EFL1: variants seen among roughly 807,000 people sequenced by gnomAD.
EFL1 encodes elongation factor like GTPase 1.
In EFL1, 76 loss-of-function variants were observed where a neutral mutation model predicts 126.7. The ratio of observed to expected loss-of-function variants is 0.60; its 90% confidence interval spans 0.50 to 0.73. EFL1 has a LOEUF of 0.73. EFL1 is among the 30% of genes least tolerant of loss of function. The probability of loss-of-function intolerance (pLI) is 0.00; values close to 1 mark genes in which losing one functional copy is unlikely to be tolerated. For missense variants in EFL1, 1,128 were observed against 1,343.2 expected (o/e 0.84, Z 2.50); for synonymous variants, 410 against 448.4 (o/e 0.91, Z 1.08).
intron 15 of EFL1, among the ~76,000 whole-genome samples, chr15:82,208,591 T>G (rs570503446): frequency 7.2e-5 from 11 of 152,186 alleles, no homozygotes; most frequent in Non-Finnish European, 1.5e-4. Context: ...AATGCTAGTA[T>G]GTTGAACCTA....
intron 4 of EFL1, among the ~76,000 whole-genome samples, chr15:82,243,858 A>G (rs1268812837): frequency 6.6e-6 from 1 of 152,100 alleles, no homozygotes; most frequent in Non-Finnish European, 1.5e-5. Context: ...AGATACACCA[A>G]GTGTTTCCAC....
chr15:82,206,377 T>A (rs1056510192), intron 15 of EFL1, among the ~76,000 whole-genome samples: 14 of 151,954 alleles, frequency 9.2e-5, no homozygotes, highest in Non-Finnish European at 1.3e-4. Flanking sequence ...CAATAAGACA[T>A]CAAGAGAAAA....
At chr15:82,204,119 G>A (rs1044083522) in intron 15 of EFL1, among the ~76,000 whole-genome samples, 8 of 152,030 alleles carry the variant, frequency 5.3e-5, no homozygotes, top group African/African-American at 1.7e-4. Context: ...ACATTTCACC[G>A]AGATTTTAAA....
chr15:82,220,888 AG>A (rs2074704755), intron 12 of EFL1, among the ~76,000 whole-genome samples: 1 of 152,190 alleles, frequency 6.6e-6, no homozygotes, highest in African/African-American at 2.4e-5. Flanking sequence ...TGTTGACAAA[AG>A]GGGAATACTA....
At chr15:82,252,182 G>A (rs1468424964) in intron 4 of EFL1, among the ~76,000 whole-genome samples, 1 of 152,132 alleles carries the variant, frequency 6.6e-6, no homozygotes, top group African/African-American at 2.4e-5. Flanking sequence ...TCAGGTTGTT[G>A]TTATTTTTTT....
At chr15:82,220,298 T>A in intron 12 of EFL1, 69 bp from the exon 13 acceptor site, 1 of 1,505,034 alleles carries the variant, frequency 6.6e-7, no homozygotes, top group Non-Finnish European at 8.9e-7. Context: ...AGCATTGACA[T>A]GGCTGGGTAA....
intron 19 of EFL1, 64 bp downstream of exon 19, chr15:82,138,594 C>T (rs2073750006): frequency 6.4e-7 from 1 of 1,555,796 alleles, no homozygotes; most frequent in Non-Finnish European, 8.7e-7. Context: ...TACTCTTGGC[C>T]TCCTCTGTAG....
At chr15:82,135,432 C>G (rs1415659588) in intron 19 of EFL1, among the ~76,000 whole-genome samples, 1 of 152,044 alleles carries the variant, frequency 6.6e-6, no homozygotes, top group African/African-American at 2.4e-5. Flanking sequence ...CTCTACCTTT[C>G]TTTGGTAATA....
In EFL1 at chr15:82,241,486, G is replaced by A. The variant is rs1017784362; in HGVS notation, c.245-83C>T. On this transcript the variant is annotated intron_variant, in intron 4 of 19. Coordinates refer to ENST00000268206, the MANE Select transcript of EFL1 (RefSeq NM_024580.6). ...TCAGGCGTTCTAGAATAAGAAAGCT[G>A]AAAGCTTCTAAGAAAAAACTGAACA... The A allele has an allele frequency of 4.1e-6, 6 of 1,475,464 alleles. No individual in the cohort carries two copies. The African/African-American group carries it at 4.2e-5, about 10-fold the overall frequency. 91.4% of individuals were successfully genotyped at this position (1,475,464 alleles called of 1,614,324 possible).
intron 16 of EFL1, among the ~76,000 whole-genome samples, chr15:82,159,213 C>T (rs62011975): frequency 0.16 from 23,926 of 151,908 alleles, 2,435 homozygotes; most frequent in Non-Finnish European, 0.24. Context: ...TAAGCCTTCA[C>T]AGAATTTTAA....
intron 12 of EFL1, among the ~76,000 whole-genome samples, chr15:82,222,588 TATCCATCC>T (rs1049199787): frequency 1.4e-4 from 22 of 152,206 alleles, no homozygotes; most frequent in African/African-American, 5.3e-4. Flanking sequence ...TCTATGTATC[TATCCATCC>T]ATCCAGTTAA....
intron 15 of EFL1, among the ~76,000 whole-genome samples, chr15:82,209,326 C>G (rs1281536548): frequency 1.1e-4 from 8 of 69,750 alleles, no homozygotes; most frequent in Non-Finnish European, 1.9e-4. Flanking sequence ...GACACACACA[C>G]ACACACACAC....
At chr15:82,205,353 T>C (rs2074513709) in intron 15 of EFL1, among the ~76,000 whole-genome samples, 2 of 152,244 alleles carry the variant, frequency 1.3e-5, no homozygotes, top group Admixed American at 6.5e-5. Context: ...TCTACCAGTT[T>C]TCAGAATCTT....
At chr15:82,143,713 C>T (rs2073812957) in intron 18 of EFL1, among the ~76,000 whole-genome samples, 2 of 152,160 alleles carry the variant, frequency 1.3e-5, no homozygotes, top group South Asian at 2.1e-4. Flanking sequence ...GTCAAACCCA[C>T]TGTGGAAAGT....
At chr15:82,166,608 T>C (rs868628115) in intron 15 of EFL1, among the ~76,000 whole-genome samples, 4 of 152,354 alleles carry the variant, frequency 2.6e-5, no homozygotes, top group Middle Eastern at 6.8e-3. Context: ...AATTATTAAA[T>C]GCACAACTTG....
At chr15:82,229,959 A>C (rs1297870960) in intron 8 of EFL1, among the ~76,000 whole-genome samples, 1 of 152,218 alleles carries the variant, frequency 6.6e-6, no homozygotes, top group African/African-American at 2.4e-5. Flanking sequence ...TCATAGAGCC[A>C]ATAAGTGGTG....
chr15:82,245,957 G>A (rs2141332225), intron 4 of EFL1, among the ~76,000 whole-genome samples: 1 of 151,606 alleles, frequency 6.6e-6, no homozygotes, highest in South Asian at 2.1e-4. Context: ...AAGTGACAGG[G>A]GTTAGGAAAA....
At chr15:82,190,508 T>G (rs1269839891) in intron 15 of EFL1, among the ~76,000 whole-genome samples, 1 of 152,210 alleles carries the variant, frequency 6.6e-6, no homozygotes, top group Non-Finnish European at 1.5e-5. Flanking sequence ...GAGGGAAGTA[T>G]CCATGTTTGT....
At chr15:82,207,506 T>A (rs2074538062) in intron 15 of EFL1, among the ~76,000 whole-genome samples, 1 of 151,824 alleles carries the variant, frequency 6.6e-6, no homozygotes. Flanking sequence ...TAAAAAACAG[T>A]ATAGGAAGTA....
Sources: gnomAD v4.1 joint callset for allele counts (sites outside exome capture counted in the v4.1 genomes callset) on GRCh38, gnomAD v4.1.1 for gene constraint, MANE v1.5 for transcripts, NCBI Gene and HGNC (gene_info 2026-07-23, HGNC 2026-07-21) for gene names.